The following ADGRA3 variants were observed in gnomAD, a reference collection of about 807,000 sequenced individuals.
ADGRA3 encodes the protein adhesion G protein-coupled receptor A3, also known as G-protein coupled receptor 125.
A neutral mutation model predicts 119.8 loss-of-function variants in ADGRA3; 56 were observed. The ratio of observed to expected loss-of-function variants is 0.47; its 90% CI spans 0.38 to 0.58. The LOEUF (loss-of-function observed/expected upper bound fraction) is 0.58. ADGRA3 is among the 20% of genes least tolerant of loss of function. The pLI is 0.00. For missense variants in ADGRA3, 1,516 were observed against 1,649.0 expected (o/e 0.92, Z 1.40); for synonymous variants, 607 against 623.8 (o/e 0.97, Z 0.40).
chr4:22,422,552 A>T lies in ADGRA3; in HGVS notation c.1606-1463T>A, dbSNP rs192343239. On this transcript the variant is annotated intron_variant, in intron 11 of 18. Coordinates refer to ENST00000334304, the MANE Select transcript of ADGRA3 (RefSeq NM_145290.4). ...CCAGATCTTCTGACAAGCAGCAGTC[A>T]TTAGGCCCAACACATGAAACCTTGG... Among the ~76,000 whole-genome samples the T allele has an allele frequency of 2.2e-5, 3 of 136,998 alleles. No individual in the cohort carries two copies. The Admixed American group carries it at 2.3e-4, about 11-fold the overall frequency. 89.9% of individuals were successfully genotyped at this position (136,998 alleles called of 152,430 possible). A position where few individuals can be genotyped will look rare whatever the true frequency, so the allele number is the denominator to read the frequency against.
At chr4:22,504,108 C>T (rs752626461) in intron 1 of ADGRA3, among the ~76,000 whole-genome samples, 21 of 151,896 alleles carry the variant, frequency 1.4e-4, no homozygotes, top group Non-Finnish European at 2.9e-4. Flanking sequence ...ATAATTTAGC[C>T]TTCTGTGTGT....
chr4:22,396,775 T>TTTTCG (rs1432501652), intron 16 of ADGRA3, among the ~76,000 whole-genome samples: 1 of 151,884 alleles, frequency 6.6e-6, no homozygotes, highest in Non-Finnish European at 1.5e-5. Context: ...TGCCTTTCCC[T>TTTTCG]TTTGTAAACC....
chr4:22,425,240 G>A (rs1168565193), intron 10 of ADGRA3, among the ~76,000 whole-genome samples: 1 of 152,058 alleles, frequency 6.6e-6, no homozygotes, highest in Non-Finnish European at 1.5e-5. Flanking sequence ...AGAATGAACT[G>A]CATCTTCCCT....
chr4:22,509,530 A>G lies in ADGRA3; in HGVS notation c.257+5998T>C, dbSNP rs1170196164. On this transcript the variant is annotated intron_variant, in intron 1 of 18. Transcript: ENST00000334304. ...AAAAAAAGAAAAGAAAAGAAAAAAA[A>G]AAAGCATGCAGTTCACTCAGCATCT... Among the ~76,000 whole-genome samples the G allele has an allele frequency of 2.6e-5, 4 of 151,582 alleles. No individual in the cohort carries two copies. In the East Asian group the frequency reaches 7.8e-4, roughly 30 times the overall value.
intron 16 of ADGRA3, among the ~76,000 whole-genome samples, chr4:22,401,214 T>C (rs971455949): frequency 1.3e-5 from 2 of 152,118 alleles, no homozygotes; most frequent in African/African-American, 4.8e-5. Flanking sequence ...AAATTCCCAA[T>C]GATAAAGGGA....
chr4:22,389,030 G>A (rs1713990658), intron 18 of ADGRA3, 58 bp downstream of exon 18: 2 of 1,597,016 alleles, frequency 1.3e-6, no homozygotes. Flanking sequence ...GTAATGCCTA[G>A]AAAATACTTA....
At chr4:22,479,188 G>A (rs1718160579) in intron 1 of ADGRA3, among the ~76,000 whole-genome samples, 1 of 152,166 alleles carries the variant, frequency 6.6e-6, no homozygotes, top group Non-Finnish European at 1.5e-5. Context: ...CAGGGGCTGG[G>A]CACGGTGGCT....
rs753376586 is a variant in ADGRA3 at position 22,420,936 on chromosome 4, G to A, written c.1759C>T (p.Leu587=). The A allele has an allele frequency of 6.7e-5, 108 of 1,613,938 alleles. No individual in the cohort carries two copies. Among genetic ancestry groups the A allele is most frequent in the Non-Finnish European group, 8.6e-5 (102 of 1,179,996 alleles). Residue 587 remains leucine, a synonymous_variant, in exon 12 of 19, where the codon CTG becomes TTG. Transcript: ENST00000334304. The stretch of plus-strand genomic sequence containing the variant: ...TTTGAAACATTGCACTTAAAGCTCA[G>A]CTGCTTATCCAGGTTTCCCTCTGGA... The part of the protein sequence containing the change: ...RDPEGNLDKQ[L]SFKCNVSNTF...
At chr4:22,496,672 CT>C (rs1166532546) in intron 1 of ADGRA3, among the ~76,000 whole-genome samples, 1 of 152,130 alleles carries the variant, frequency 6.6e-6, no homozygotes, top group African/African-American at 2.4e-5. Flanking sequence ...ATCTTGAGAC[CT>C]TTTGTAAATA....
intron 1 of ADGRA3, among the ~76,000 whole-genome samples, chr4:22,487,052 T>C (rs934066175): frequency 8.5e-5 from 13 of 152,156 alleles, no homozygotes; most frequent in Admixed American, 6.5e-4. Context: ...GGCTGGGCTA[T>C]TGTGCTCTCT....
chr4:22,394,976 T>C (rs899632170), intron 16 of ADGRA3: 1 of 152,186 alleles, frequency 6.6e-6, no homozygotes, highest in African/African-American at 2.4e-5. Flanking sequence ...TGGAATGTAG[T>C]ACTTCCTACT....
chr4:22,486,051 G>A (rs1282907054), intron 1 of ADGRA3, among the ~76,000 whole-genome samples: 1 of 152,136 alleles, frequency 6.6e-6, no homozygotes, highest in African/African-American at 2.4e-5. Flanking sequence ...TCTCTATTGG[G>A]TTGTAAGTTC....
chr4:22,480,109 C>T (rs775009030), intron 1 of ADGRA3, among the ~76,000 whole-genome samples: 12 of 152,096 alleles, frequency 7.9e-5, no homozygotes, highest in Non-Finnish European at 1.8e-4. Flanking sequence ...CAAAACTGCA[C>T]GTCCTGCACA....
chr4:22,510,661 G>A (rs1371463254), intron 1 of ADGRA3, among the ~76,000 whole-genome samples: 26 of 152,230 alleles, frequency 1.7e-4, no homozygotes, highest in Admixed American at 1.6e-3. Context: ...AAGTGGGCCA[G>A]CCACCACCTG....
intron 14 of ADGRA3, among the ~76,000 whole-genome samples, chr4:22,403,808 T>A (rs763310629): frequency 2.6e-5 from 4 of 152,146 alleles, no homozygotes; most frequent in Non-Finnish European, 5.9e-5. Context: ...CATTAGACAT[T>A]GACTGTGAAC....
chr4:22,389,053 C>T (rs374604372), intron 18 of ADGRA3, 35 bp downstream of exon 18: 3 of 1,600,964 alleles, frequency 1.9e-6, no homozygotes, highest in East Asian at 2.2e-5. Context: ...AGAGAAACAA[C>T]TGGGTCAAGT....
chr4:22,407,812 G>T (rs776927543), intron 14 of ADGRA3, among the ~76,000 whole-genome samples: 18 of 152,022 alleles, frequency 1.2e-4, no homozygotes, highest in Admixed American at 3.9e-4. Flanking sequence ...GTTACTTCAG[G>T]CCTCAGAATT....
At chr4:22,496,934 G>A (rs1319307591) in intron 1 of ADGRA3, among the ~76,000 whole-genome samples, 2 of 152,166 alleles carry the variant, frequency 1.3e-5, no homozygotes, top group African/African-American at 4.8e-5. Flanking sequence ...AGCTCACAAA[G>A]CACTTCCAAT....
intron 1 of ADGRA3, among the ~76,000 whole-genome samples, chr4:22,511,198 T>C (rs1455940982): frequency 6.6e-6 from 1 of 152,230 alleles, no homozygotes; most frequent in Non-Finnish European, 1.5e-5. Flanking sequence ...TTTGTAAAAC[T>C]TTCCATCAAT....
Sources: allele counts gnomAD v4.1 joint callset (sites outside exome capture counted in the v4.1 genomes callset), GRCh38; gene constraint gnomAD v4.1.1; transcripts MANE v1.5; gene names NCBI Gene and HGNC (gene_info 2026-07-23, HGNC 2026-07-21).